The following SEPTIN10 variants were observed in gnomAD, a reference collection of about 807,000 sequenced individuals.
The protein encoded by SEPTIN10 is septin-10.
Under a neutral mutation model 54.8 loss-of-function variants are expected in SEPTIN10, and 66 were observed. That is an observed-to-expected ratio of 1.21 (90% CI 0.99 to 1.48). The LOEUF is 1.48. Ranked by LOEUF, SEPTIN10 falls within the 40% of genes most tolerant of loss-of-function variation. The pLI, the probability that SEPTIN10 is intolerant of heterozygous loss-of-function variation, is 0.00. For synonymous variants in SEPTIN10, 161 were observed against 181.0 expected, an observed-to-expected ratio of 0.89 and a Z score of 0.89; for missense variants, 620 against 545.6, an observed-to-expected ratio of 1.14 and a Z score of -1.36.
intron 9 of SEPTIN10, among the ~76,000 whole-genome samples, chr2:109,548,327 TTA>T (rs1460070894): frequency 6.6e-6 from 1 of 152,196 alleles, no homozygotes; most frequent in African/African-American, 2.4e-5. Flanking sequence ...AAATCTGACA[TTA>T]ACATTTTAGT....
chr2:109,567,807 GAGCTCACATTCATTGC>G lies in SEPTIN10; in HGVS notation c.754_762+7del, dbSNP rs752337386. 10 of 1,565,298 alleles carry G rather than the reference GAGCTCACATTCATTGC, an allele frequency of 6.4e-6. No homozygotes were observed. The highest frequency in any genetic ancestry group is 8.7e-6 in the Non-Finnish European group (10 of 1,156,038). Reference sequence around the variant, plus strand: ...GAAAACAGAATTAACATTCAATCAGGAGCTCACATTCATTGCAGCGTTGACCTTAGCAATAGTGTCA... The same window carrying G: ...GAAAACAGAATTAACATTCAATCAGGAGCGTTGACCTTAGCAATAGTGTCA... On this transcript the variant is annotated splice_donor_variant and splice_donor_5th_base_variant and coding_sequence_variant and intron_variant, in exon 6 of 11. Coordinates refer to ENST00000397712, the MANE Select transcript of SEPTIN10 (RefSeq NM_144710.5). LOFTEE classifies it high-confidence loss of function.
intron 8 of SEPTIN10, among the ~76,000 whole-genome samples, chr2:109,560,167 G>A (rs1263927764): frequency 1.3e-5 from 2 of 152,082 alleles, no homozygotes; most frequent in South Asian, 2.1e-4. Flanking sequence ...TGATCCGCCC[G>A]CCTCAGCCTC....
intron 8 of SEPTIN10, among the ~76,000 whole-genome samples, chr2:109,557,146 T>G (rs1207386184): frequency 6.6e-6 from 1 of 152,028 alleles, no homozygotes; most frequent in Non-Finnish European, 1.5e-5. Context: ...GTTGTGCACA[T>G]GTACCCTAGA....
chr2:109,555,096 CTCTT>C (rs1027051444), intron 8 of SEPTIN10, among the ~76,000 whole-genome samples: 39 of 152,258 alleles, frequency 2.6e-4, no homozygotes, highest in Middle Eastern at 3.4e-3. Context: ...CTTCTAGTTC[CTCTT>C]TCTTTCACTT....
chr2:109,585,329 A>T lies in SEPTIN10; in HGVS notation c.218-8T>A, dbSNP rs751597064. The T allele has an allele frequency of 6.3e-7, 1 of 1,588,526 alleles. No homozygotes were observed. Among genetic ancestry groups the T allele is most frequent in the Admixed American group, 1.8e-5 (1 of 57,042 alleles). ...TTCCAATTCCAGTTTCCCCTGAAAC[A>T]CACAAAGGTACATCTTTATGGTTGC... On this transcript the variant is annotated splice_polypyrimidine_tract_variant and splice_region_variant and intron_variant, in intron 3 of 10. Transcript: ENST00000397712.
At position 109,613,834 on chromosome 2, in the gene SEPTIN10, G is replaced by T; in HGVS notation, c.-7C>A. The T allele has an allele frequency of 8.1e-7, 1 of 1,237,456 alleles. No homozygotes were observed. Among genetic ancestry groups the T allele is most frequent in the Non-Finnish European group, 1.0e-6 (1 of 991,970 alleles). 76.7% of individuals were successfully genotyped at this position (1,237,456 alleles called of 1,614,324 possible). A position where few individuals can be genotyped will look rare whatever the true frequency, so the allele number is the denominator to read the frequency against. Reference sequence around the variant, plus strand: ...CCACCTCGGAGGAGGCCATGGTCGCGGGCAGGGGCACGGTGAAGCGGCTGT... The same window carrying T: ...CCACCTCGGAGGAGGCCATGGTCGCTGGCAGGGGCACGGTGAAGCGGCTGT... On this transcript the variant is annotated 5_prime_UTR_variant, in exon 1 of 11. Transcript: ENST00000397712.
chr2:109,591,985 CAGATTT>C (rs1168796761), intron 2 of SEPTIN10, among the ~76,000 whole-genome samples: 2 of 152,088 alleles, frequency 1.3e-5, no homozygotes, highest in African/African-American at 2.4e-5. Context: ...CCTCTTTCAC[CAGATTT>C]ACTTCCTATT....
intron 1 of SEPTIN10, among the ~76,000 whole-genome samples, chr2:109,604,364 A>G (rs535603571): frequency 2.4e-5 from 2 of 83,734 alleles, no homozygotes; most frequent in African/African-American, 4.7e-5. Context: ...AAAAAGAAAG[A>G]AAGGAAAGAA....
At chr2:109,550,268 C>CA (rs944786234) in intron 9 of SEPTIN10, among the ~76,000 whole-genome samples, 36 of 150,478 alleles carry the variant, frequency 2.4e-4, no homozygotes, top group African/African-American at 7.3e-4. Context: ...CCAGCCTGGG[C>CA]AACAAAAGCA....
At chr2:109,611,908 T>C (rs1699339918) in intron 1 of SEPTIN10, among the ~76,000 whole-genome samples, 1 of 152,222 alleles carries the variant, frequency 6.6e-6, no homozygotes, top group South Asian at 2.1e-4. Flanking sequence ...ACAGCCATTC[T>C]GAGAAAGTCT....
At chr2:109,613,759 G>A (rs1699834512) in intron 1 of SEPTIN10, 39 bp downstream of exon 1, 1 of 1,195,594 alleles carries the variant, frequency 8.4e-7, no homozygotes, top group Non-Finnish European at 1.0e-6. Context: ...CGGGGGCCGG[G>A]GAGCGCGGGG....
chr2:109,574,296 G>C (rs1191399433), intron 5 of SEPTIN10, among the ~76,000 whole-genome samples: 1 of 150,988 alleles, frequency 6.6e-6, no homozygotes, highest in Non-Finnish European at 1.5e-5. Context: ...AAATTAAAAA[G>C]TTAGCTGGGT....
chr2:109,593,083 T>G lies in SEPTIN10; in HGVS notation c.67A>C (p.Met23Leu). The change falls in exon 2 of 11, where the codon ATG (methionine) becomes CTG (leucine). Residue 23 changes from methionine to leucine, a missense_variant. Transcript: ENST00000397712. ...TCATCATCTGATCCTTGTGAAGACA[T>G]ACAAGTTGTTTTCGTTGCCATGTGA... is the stretch of plus-strand genomic sequence containing the variant. Reference protein sequence around the residue: ...QSHMATKTTCMSSQGSDDEQI... With the variant: ...QSHMATKTTCLSSQGSDDEQI... 1 of 1,601,274 alleles carries G rather than the reference T, an allele frequency of 6.2e-7. No individual in the cohort carries two copies. Among genetic ancestry groups the G allele is most frequent in the South Asian group, 1.1e-5 (1 of 87,880 alleles).
At chr2:109,548,834 A>C (rs1481084864) in intron 9 of SEPTIN10, among the ~76,000 whole-genome samples, 1 of 151,812 alleles carries the variant, frequency 6.6e-6, no homozygotes, top group African/African-American at 2.4e-5. Context: ...TTTCACTGAA[A>C]ATCAGAGACT....
At chr2:109,586,926 G>C (rs889055595) in intron 2 of SEPTIN10, among the ~76,000 whole-genome samples, 4 of 152,138 alleles carry the variant, frequency 2.6e-5, no homozygotes, top group African/African-American at 9.7e-5. Flanking sequence ...CAAAGTTCAA[G>C]ACTCTGCAGA....
chr2:109,611,529 G>A (rs543512291), intron 1 of SEPTIN10, among the ~76,000 whole-genome samples: 3 of 152,044 alleles, frequency 2.0e-5, no homozygotes, highest in South Asian at 4.2e-4. Flanking sequence ...AGGCTGAGAC[G>A]GGAGGATCGC....
chr2:109,564,201 G>A, intron 8 of SEPTIN10, 165 bp downstream of exon 8: 2 of 540,956 alleles, frequency 3.7e-6, no homozygotes, highest in Non-Finnish European at 5.8e-6. Context: ...AAGCAAGAAG[G>A]AGTCAAGTGA....
At chr2:109,552,994 A>G (rs909870445) in intron 9 of SEPTIN10, 93 bp downstream of exon 9, 3 of 1,445,916 alleles carry the variant, frequency 2.1e-6, no homozygotes, top group Admixed American at 2.0e-5. Context: ...AGTAGCCTAC[A>G]AAAGAGTCTC....
At chr2:109,575,647 C>T (rs2105468956) in intron 4 of SEPTIN10, among the ~76,000 whole-genome samples, 1 of 152,328 alleles carries the variant, frequency 6.6e-6, no homozygotes, top group South Asian at 2.1e-4. Flanking sequence ...CTTTGCAATT[C>T]ACTTTTCTAC....
Sources: allele counts gnomAD v4.1 joint callset (sites outside exome capture counted in the v4.1 genomes callset), GRCh38; gene constraint gnomAD v4.1.1; transcripts MANE v1.5; gene names NCBI Gene and HGNC (gene_info 2026-07-23, HGNC 2026-07-21).